Variants in RUBCNL observed in about 807,000 individuals in gnomAD.
RUBCNL encodes the protein protein associated with UVRAG as autophagy enhancer.
RUBCNL carries 62 observed loss-of-function variants against 69.5 expected under a neutral mutation model. The ratio of observed to expected loss-of-function variants is 0.89; its 90% confidence interval spans 0.73 to 1.10. The LOEUF is 1.10. RUBCNL is among the 50% of genes least tolerant of loss of function. The pLI, the probability that RUBCNL is intolerant of heterozygous loss-of-function variation, is 0.00. For synonymous variants in RUBCNL, 291 were observed against 303.6 expected, an observed-to-expected ratio of 0.96 and a Z score of 0.43; for missense variants, 768 against 798.1, an observed-to-expected ratio of 0.96 and a Z score of 0.45.
intron 10 of RUBCNL, among the ~76,000 whole-genome samples, chr13:46,355,404 C>T (rs1338404723): frequency 6.7e-6 from 1 of 149,966 alleles, no homozygotes; most frequent in Non-Finnish European, 1.5e-5. Context: ...AAGGAATTTT[C>T]CTGTCTCAGC....
chr13:46,343,728 G>C (rs986282446), intron 14 of RUBCNL, among the ~76,000 whole-genome samples: 2 of 152,072 alleles, frequency 1.3e-5, no homozygotes, highest in Non-Finnish European at 2.9e-5. Flanking sequence ...CTGATGTAAC[G>C]GACACTGCAG....
At chr13:46,344,274 G>T (rs779605653) in intron 14 of RUBCNL, among the ~76,000 whole-genome samples, 9 of 152,170 alleles carry the variant, frequency 5.9e-5, no homozygotes, top group Non-Finnish European at 1.3e-4. Flanking sequence ...CAGAACACGG[G>T]ATTCTCTCGG....
rs1406501811 is a variant in RUBCNL, at chr13:46,341,162, AT to A, written c.*2222del. Among the ~76,000 whole-genome samples the A allele has an allele frequency of 6.6e-6, 1 of 152,178 alleles. No homozygotes were observed. Among genetic ancestry groups the A allele is most frequent in the East Asian group, 1.9e-4 (1 of 5,198 alleles). ...TGACTGTAAATGACACACTACTGGA[AT>A]TGCCCATGTGAAGAGTGCAGAGGCA... On this transcript the variant is annotated 3_prime_UTR_variant, in exon 15 of 15. Transcript: ENST00000429979.
At chr13:46,346,470 C>T (rs1181755298) in intron 12 of RUBCNL, among the ~76,000 whole-genome samples, 6 of 152,214 alleles carry the variant, frequency 3.9e-5, no homozygotes, top group Admixed American at 2.0e-4. Flanking sequence ...CGACACGTGT[C>T]TAACACTCAG....
chr13:46,359,363 A>G (rs1022137506), intron 9 of RUBCNL, 123 bp downstream of exon 9: 9 of 818,170 alleles, frequency 1.1e-5, no homozygotes, highest in African/African-American at 3.6e-5. Flanking sequence ...TCCTTTCCCT[A>G]AAACAAATTT....
intron 9 of RUBCNL, among the ~76,000 whole-genome samples, chr13:46,357,772 G>T (rs1252095763): frequency 6.6e-6 from 1 of 151,830 alleles, no homozygotes; most frequent in Non-Finnish European, 1.5e-5. Flanking sequence ...TAGGACCACA[G>T]GCATGCACCA....
At position 46,337,456 on chromosome 13, in the gene RUBCNL, G is replaced by A. The variant is rs952254728; in HGVS notation, c.*5929C>T. Among the ~76,000 whole-genome samples the A allele has an allele frequency of 6.6e-5, 10 of 151,984 alleles. No homozygotes were observed. The highest frequency in any genetic ancestry group is 8.8e-5 in the Non-Finnish European group (6 of 67,994). On this transcript the variant is annotated 3_prime_UTR_variant, in exon 15 of 15. Transcript: ENST00000429979. ...AAGTGTGAGCCACCGTGCCTGGTCCGCTCTCTCTCCTTTCTACCATGTAAG... is the reference window on the plus strand; with the variant it reads ...AAGTGTGAGCCACCGTGCCTGGTCCACTCTCTCTCCTTTCTACCATGTAAG...
chr13:46,344,227 G>A (rs184575305), intron 14 of RUBCNL, among the ~76,000 whole-genome samples: 2 of 152,312 alleles, frequency 1.3e-5, no homozygotes, highest in African/African-American at 4.8e-5. Context: ...TGAAGGCAGA[G>A]TTCATTACCA....
In RUBCNL at chr13:46,336,436, A is replaced by G. The variant is rs56309860; in HGVS notation, c.*6949T>C. Among the ~76,000 whole-genome samples, 1,228 of 152,344 alleles carry G rather than the reference A, an allele frequency of 8.1e-3. 8 individuals are homozygous for G. The highest frequency in any genetic ancestry group is 0.017 in the Middle Eastern group (5 of 294). On this transcript the variant is annotated 3_prime_UTR_variant, in exon 15 of 15. Coordinates refer to ENST00000429979, the MANE Select transcript of RUBCNL (RefSeq NM_025113.5). ...AATGATCTATCATTTATTTAAAATG[A>G]TATCTAGTCTATATGGTAAAATTTA... is the stretch of plus-strand genomic sequence containing the variant.
At chr13:46,367,365 T>A (rs1368227121) in intron 5 of RUBCNL, among the ~76,000 whole-genome samples, 3 of 152,002 alleles carry the variant, frequency 2.0e-5, no homozygotes, top group Non-Finnish European at 4.4e-5. Context: ...AGAAGATTCA[T>A]TGGAAAAGGA....
rs1021852909 is a variant in RUBCNL at position 46,337,134 on chromosome 13, CT to C, written c.*6250del. Among the ~76,000 whole-genome samples the C allele has an allele frequency of 5.5e-5, 8 of 146,478 alleles. No individual in the cohort carries two copies. The highest frequency in any genetic ancestry group is 2.0e-4 in the African/African-American group (8 of 39,270). On this transcript the variant is annotated 3_prime_UTR_variant, in exon 15 of 15. Transcript: ENST00000429979. The stretch of plus-strand genomic sequence containing the variant: ...GGGGGTTCTCTCTCTCTCTCTTTTC[CT>C]TTTTCTTTTTTTGGGGGCAGGGAGG...
intron 1 of RUBCNL, among the ~76,000 whole-genome samples, chr13:46,385,666 CAA>C (rs5803337): frequency 6.7e-5 from 8 of 119,160 alleles, no homozygotes; most frequent in African/African-American, 1.2e-4. Flanking sequence ...AAAGATCATG[CAA>C]AAAAAAAAAA....
In RUBCNL at chr13:46,340,707, G is replaced by A. The variant is rs2048135789; in HGVS notation, c.*2678C>T. On this transcript the variant is annotated 3_prime_UTR_variant, in exon 15 of 15. Coordinates refer to ENST00000429979, the MANE Select transcript of RUBCNL (RefSeq NM_025113.5). ...GCTTCCACTCATGGTGGAGGGGAAGGGGAGCCTGCGTGTGCAGACTCCCCT... is the reference window on the plus strand; with the variant it reads ...GCTTCCACTCATGGTGGAGGGGAAGAGGAGCCTGCGTGTGCAGACTCCCCT... Among the ~76,000 whole-genome samples the A allele has an allele frequency of 6.6e-6, 1 of 152,260 alleles. No homozygotes were observed. The highest frequency in any genetic ancestry group is 1.9e-4 in the East Asian group (1 of 5,176).
chr13:46,344,699 G>A, intron 14 of RUBCNL, 42 bp downstream of exon 14: 1 of 1,301,144 alleles, frequency 7.7e-7, no homozygotes, highest in African/African-American at 1.5e-5. Flanking sequence ...AGTTTAATTA[G>A]TTAACCTATT....
At chr13:46,358,842 G>A (rs1450949201) in intron 9 of RUBCNL, among the ~76,000 whole-genome samples, 1 of 152,146 alleles carries the variant, frequency 6.6e-6, no homozygotes, top group Non-Finnish European at 1.5e-5. Flanking sequence ...TTATAGACAG[G>A]TGTGAGCCAC....
chr13:46,362,962 A>ATATATATC (rs1555253846), intron 6 of RUBCNL, among the ~76,000 whole-genome samples, 153 bp downstream of exon 6: 3 of 94,220 alleles, frequency 3.2e-5, no homozygotes, highest in Non-Finnish European at 6.0e-5. Flanking sequence ...ATATATATAT[A>ATATATATC]TATATATATA....
chr13:46,335,485 T>C lies in RUBCNL; in HGVS notation c.*7900A>G, dbSNP rs2138648742. On this transcript the variant is annotated 3_prime_UTR_variant, in exon 15 of 15. Coordinates refer to ENST00000429979, the MANE Select transcript of RUBCNL (RefSeq NM_025113.5). ...TTATGCTTTATAAACATTCTGGTGT[T>C]GTGTGGAGAATGGACTATAGAGGGG... Among the ~76,000 whole-genome samples the C allele has an allele frequency of 6.6e-6, 1 of 152,184 alleles. No homozygotes were observed. Among genetic ancestry groups the C allele is most frequent in the East Asian group, 1.9e-4 (1 of 5,170 alleles).
intron 7 of RUBCNL, among the ~76,000 whole-genome samples, chr13:46,362,163 G>A (rs1450650116): frequency 1.3e-5 from 2 of 152,084 alleles, no homozygotes; most frequent in African/African-American, 4.8e-5. Context: ...CTTGAACCCA[G>A]GAGGCGGAGG....
rs1594133248 is a variant in RUBCNL, at chr13:46,348,171, T to C, written c.1631+1115A>G. On this transcript the variant is annotated intron_variant, in intron 12 of 14. Coordinates refer to ENST00000429979, the MANE Select transcript of RUBCNL (RefSeq NM_025113.5). ...AAAGTAGAATAGTGGCTGCCAGGAG[T>C]TAGGCTAAGAGGAAGAGGGAATGGG... Among the ~76,000 whole-genome samples the C allele has an allele frequency of 2.0e-5, 3 of 151,858 alleles. No individual in the cohort carries two copies. The South Asian group carries it at 6.2e-4, about 32-fold the overall frequency.
Sources: allele counts gnomAD v4.1 joint callset (sites outside exome capture counted in the v4.1 genomes callset), GRCh38; gene constraint gnomAD v4.1.1; transcripts MANE v1.5; gene names NCBI Gene and HGNC (gene_info 2026-07-23, HGNC 2026-07-21).